Variants in CARMIL1 observed in about 807,000 individuals in gnomAD.
The protein encoded by CARMIL1 is F-actin-uncapping protein LRRC16A.
Under a neutral mutation model 177.1 loss-of-function variants are expected in CARMIL1, and 90 were observed. The ratio of observed to expected loss-of-function variants is 0.51; its 90% CI spans 0.43 to 0.61. The LOEUF (loss-of-function observed/expected upper bound fraction) is 0.61. CARMIL1 is among the 20% of genes least tolerant of loss of function. CARMIL1 has a pLI of 0.00. For missense variants in CARMIL1, 1,380 were observed against 1,667.0 expected (o/e 0.83, Z 3.00); for synonymous variants, 577 against 606.2 (o/e 0.95, Z 0.71).
At chr6:25,376,413 G>T (rs1012221163) in intron 2 of CARMIL1, among the ~76,000 whole-genome samples, 1 of 152,070 alleles carries the variant, frequency 6.6e-6, no homozygotes, top group Non-Finnish European at 1.5e-5. Flanking sequence ...CTCTAATTTG[G>T]GTAGGCTATT....
At chr6:25,447,537 A>G (rs912931764) in intron 5 of CARMIL1, among the ~76,000 whole-genome samples, 1 of 152,286 alleles carries the variant, frequency 6.6e-6, no homozygotes, top group African/African-American at 2.4e-5. Flanking sequence ...TATATTCAAT[A>G]CAAGTTAATA....
At chr6:25,349,689 C>A (rs1787908052) in intron 2 of CARMIL1, among the ~76,000 whole-genome samples, 1 of 152,004 alleles carries the variant, frequency 6.6e-6, no homozygotes, top group Admixed American at 6.6e-5. Context: ...AGGATCCCAC[C>A]CTCCCAATAC....
intron 2 of CARMIL1, among the ~76,000 whole-genome samples, chr6:25,376,545 G>T (rs892018965): frequency 6.6e-6 from 1 of 152,162 alleles, no homozygotes; most frequent in Admixed American, 6.5e-5. Context: ...TGAAGACTGT[G>T]TATGACTTCC....
chr6:25,510,869 G>A (rs901628283), intron 20 of CARMIL1, 107 bp downstream of exon 20: 12 of 666,782 alleles, frequency 1.8e-5, no homozygotes, highest in African/African-American at 9.1e-5. Flanking sequence ...TTTTATCAAC[G>A]TGTACATTTT....
chr6:25,610,758 C>A (rs186637913), intron 36 of CARMIL1, among the ~76,000 whole-genome samples: 9 of 152,312 alleles, frequency 5.9e-5, no homozygotes, highest in African/African-American at 2.2e-4. Context: ...GCAAGCTAAT[C>A]CTGTGACGAG....
chr6:25,609,852 T>G (rs1410719566), intron 35 of CARMIL1, among the ~76,000 whole-genome samples, 198 bp from the exon 36 acceptor site: 2 of 152,270 alleles, frequency 1.3e-5, no homozygotes, highest in African/African-American at 4.8e-5. Context: ...TAACTTTTTA[T>G]GAGTATTCAT....
At chr6:25,505,031 A>G (rs1804775463) in intron 17 of CARMIL1, among the ~76,000 whole-genome samples, 1 of 152,210 alleles carries the variant, frequency 6.6e-6, no homozygotes, top group Non-Finnish European at 1.5e-5. Flanking sequence ...GTCAGAATTG[A>G]CATCATAGGT....
chr6:25,417,817 C>T (rs1242938838), intron 2 of CARMIL1, among the ~76,000 whole-genome samples: 1 of 152,158 alleles, frequency 6.6e-6, no homozygotes, highest in East Asian at 1.9e-4. Flanking sequence ...ATCACTGAGT[C>T]TCAATTTACT....
intron 26 of CARMIL1, among the ~76,000 whole-genome samples, chr6:25,549,631 C>T (rs1426812219): frequency 6.6e-6 from 1 of 152,150 alleles, no homozygotes; most frequent in African/African-American, 2.4e-5. Flanking sequence ...TTGTAAACAG[C>T]CTGCTACTCT....
chr6:25,500,273 T>C (rs762995074), intron 17 of CARMIL1, 38 bp downstream of exon 17: 9 of 1,559,720 alleles, frequency 5.8e-6, no homozygotes, highest in Non-Finnish European at 7.1e-6. Context: ...GAATAGATAA[T>C]AGCCTCAACC....
intron 16 of CARMIL1, among the ~76,000 whole-genome samples, chr6:25,498,226 A>G (rs9356978): frequency 6.6e-6 from 1 of 152,276 alleles, no homozygotes; most frequent in East Asian, 1.9e-4. Flanking sequence ...AATTATAACT[A>G]GTGCCACCGA....
rs771287558 is a variant in CARMIL1 at position 25,556,839 on chromosome 6, G to A, written c.2731G>A (p.Asp911Asn). ...AGAGATAGAGCGTTTGGAAGATCTG[G>A]ATACCTGTATGGTAAGACACATCCT... ...LTEIERLEDL[D>N]TCMMTPKSKR... The change falls in exon 29 of 37, where the codon GAT becomes AAT. Residue 911 changes from aspartate (D) to asparagine (N), a missense_variant. Transcript: ENST00000329474. The A allele has an allele frequency of 6.2e-7, 1 of 1,613,016 alleles. No individual in the cohort carries two copies. The highest frequency in any genetic ancestry group is 1.3e-5 in the African/African-American group (1 of 74,890).
chr6:25,414,257 G>A (rs567970572), intron 2 of CARMIL1, among the ~76,000 whole-genome samples: 19 of 152,268 alleles, frequency 1.2e-4, no homozygotes, highest in Middle Eastern at 3.4e-3. Flanking sequence ...CTGAATATAA[G>A]TCTTTCTGAT....
At chr6:25,560,024 C>T (rs973056388) in intron 29 of CARMIL1, among the ~76,000 whole-genome samples, 2 of 152,048 alleles carry the variant, frequency 1.3e-5, no homozygotes, top group South Asian at 2.1e-4. Flanking sequence ...GAGTTGGAAA[C>T]GATAATCCAT....
At chr6:25,539,625 C>CAAAAAAAAAA (rs11304932) in intron 25 of CARMIL1, among the ~76,000 whole-genome samples, 1 of 55,738 alleles carries the variant, frequency 1.8e-5, no homozygotes, top group Non-Finnish European at 3.1e-5. Flanking sequence ...AACTCCATCT[C>CAAAAAAAAAA]AAAAAAAAAA....
intron 2 of CARMIL1, among the ~76,000 whole-genome samples, chr6:25,418,862 C>T (rs913550499): frequency 7.2e-5 from 11 of 152,292 alleles, no homozygotes; most frequent in East Asian, 3.9e-4. Flanking sequence ...TTTCCTCACC[C>T]GCTTTTATCA....
At chr6:25,341,000 C>T (rs1786866256) in intron 2 of CARMIL1, among the ~76,000 whole-genome samples, 1 of 152,008 alleles carries the variant, frequency 6.6e-6, no homozygotes, top group Non-Finnish European at 1.5e-5. Flanking sequence ...GAAGCACACA[C>T]AAGATAGAAG....
At chr6:25,534,497 A>G (rs1003125301) in intron 24 of CARMIL1, among the ~76,000 whole-genome samples, 1 of 152,032 alleles carries the variant, frequency 6.6e-6, no homozygotes, top group South Asian at 2.1e-4. Flanking sequence ...AATCCGTACA[A>G]ATCTTTCAGG....
chr6:25,591,792 C>T (rs1462256431), intron 31 of CARMIL1, among the ~76,000 whole-genome samples: 1 of 152,196 alleles, frequency 6.6e-6, no homozygotes, highest in Non-Finnish European at 1.5e-5. Context: ...AATCTTTCTG[C>T]TCTCTGTCTC....
Sources: allele counts gnomAD v4.1 joint callset (sites outside exome capture counted in the v4.1 genomes callset), GRCh38; gene constraint gnomAD v4.1.1; transcripts MANE v1.5; gene names NCBI Gene and HGNC (gene_info 2026-07-23, HGNC 2026-07-21).